The following MYO19 variants were observed in gnomAD, a reference collection of about 807,000 sequenced individuals.
MYO19 encodes myosin XIX, also known as unconventional myosin-XIX.
Under a neutral mutation model 129.2 loss-of-function variants are expected in MYO19, and 132 were observed. The observed-to-expected ratio is 1.02, with a 90% CI of 0.89 to 1.18. MYO19 has a LOEUF of 1.18. MYO19 is among the 50% of genes most tolerant of loss of function. MYO19 has a pLI of 0.00. For synonymous variants in MYO19, 531 were observed against 477.2 expected (o/e 1.11, Z -1.47); for missense variants, 1,210 against 1,216.7 (o/e 0.99, Z 0.08).
chr17:36,537,156 G>A (rs773053399), upstream of MYO19: 61 of 1,613,318 alleles, frequency 3.8e-5, no homozygotes, highest in Non-Finnish European at 4.5e-5. Context: ...TGGAACCACC[G>A]TGCTGGAAAT....
chr17:36,525,301 T>G lies in MYO19; in HGVS notation c.341A>C (p.Tyr114Ser). The part of the protein sequence containing the change: ...PHVFTVGEQT[Y>S]RNVKSLIEPV... Reference sequence around the variant, plus strand: ...TTCAATCAGGCTCTTGACATTCCTGTAGGTCTGTTCACCCACAGTGAACAC... The same window carrying G: ...TTCAATCAGGCTCTTGACATTCCTGGAGGTCTGTTCACCCACAGTGAACAC... The change falls in exon 6 of 26, where the codon TAC becomes TCC. Residue 114 changes from tyrosine (Y) to serine (S), a missense_variant. Physicochemically the swap from Tyr to Ser is moderately radical, Grantham distance 144 (BLOSUM62 -2). Transcript: ENST00000614623. 2 of 1,613,960 alleles carry G rather than the reference T, an allele frequency of 1.2e-6. No homozygotes were observed. Among genetic ancestry groups the G allele is most frequent in the South Asian group, 2.2e-5 (2 of 91,072 alleles).
chr17:36,528,331 AC>A lies in MYO19; in HGVS notation c.13-130del, dbSNP rs923935006. ...AGACCATCCTGGTTAACACGGTGAAACCCCGTCTCTACTAAAAAAAATTCAA... is the reference window on the plus strand; with the variant it reads ...AGACCATCCTGGTTAACACGGTGAAACCCGTCTCTACTAAAAAAAATTCAA... On this transcript the variant is annotated intron_variant, in intron 3 of 25. Transcript: ENST00000614623. The A allele has an allele frequency of 1.2e-5, 11 of 952,320 alleles. No individual in the cohort carries two copies. In the Admixed American group the frequency reaches 1.9e-4, roughly 17 times the overall value. The allele number at this position is 952,320 out of a possible 1,614,324, so 59.0% of individuals were successfully genotyped here.
At chr17:36,509,509 A>G (rs553031435) in intron 13 of MYO19, 3 of 272,476 alleles carry the variant, frequency 1.1e-5, no homozygotes, top group African/African-American at 6.5e-5. Flanking sequence ...AACTGAGTTC[A>G]TTGAACACCC....
intron 5 of MYO19, among the ~76,000 whole-genome samples, chr17:36,526,852 G>A (rs1001466554): frequency 3.3e-5 from 5 of 151,880 alleles, no homozygotes; most frequent in Admixed American, 2.0e-4. Flanking sequence ...GCACTACTGC[G>A]CTCCAGCCTG....
At position 36,528,111 on chromosome 17, in the gene MYO19, T is replaced by G. The variant is rs935802161; in HGVS notation, c.104A>C (p.Tyr35Ser). The change falls in exon 4 of 26, where the codon TAC (tyrosine) becomes TCC (serine). Residue 35 changes from tyrosine (Y) to serine (S), a missense_variant. By Grantham distance (144) the Tyr-to-Ser change is moderately radical. Transcript: ENST00000614623. Reference protein sequence around the residue: ...QEFLGGEVLLYKLDDLTRVNP... With the variant: ...QEFLGGEVLLSKLDDLTRVNP... ...CACCCTGGTGAGGTCATCCAGTTTG[T>G]ACAGCAGGACCTCCCCACCCAGGAA... The G allele has an allele frequency of 3.1e-6, 5 of 1,613,838 alleles. No individual in the cohort carries two copies. The highest frequency in any genetic ancestry group is 4.2e-6 in the Non-Finnish European group (5 of 1,179,884).
At chr17:36,511,297 C>T in intron 12 of MYO19, 68 bp downstream of exon 12, 2 of 1,503,010 alleles carry the variant, frequency 1.3e-6, no homozygotes, top group East Asian at 2.5e-5. Flanking sequence ...TCCAGCCTTC[C>T]ACCCAACCCC....
chr17:36,519,727 T>C (rs2073025346), intron 6 of MYO19, among the ~76,000 whole-genome samples: 1 of 151,886 alleles, frequency 6.6e-6, no homozygotes, highest in Admixed American at 6.6e-5. Context: ...CATATTCTTT[T>C]GCACTAAAGA....
At chr17:36,520,774 A>G (rs1442189620) in intron 6 of MYO19, among the ~76,000 whole-genome samples, 2 of 152,226 alleles carry the variant, frequency 1.3e-5, no homozygotes, top group Non-Finnish European at 2.9e-5. Flanking sequence ...AAGACATATA[A>G]CACACAAAAT....
chr17:36,537,220 T>C, upstream of MYO19: 1 of 1,614,190 alleles, frequency 6.2e-7, no homozygotes, highest in South Asian at 1.1e-5. Flanking sequence ...GGGTTCCTGA[T>C]CATTTTCTCA....
chr17:36,544,667 G>A (rs536391947), upstream of MYO19, among the ~76,000 whole-genome samples: 1 of 152,326 alleles, frequency 6.6e-6, no homozygotes, highest in Non-Finnish European at 1.5e-5. Context: ...CCGGCCCGCG[G>A]CTGGGGCCTG....
In MYO19 at chr17:36,496,354, C is replaced by A; in HGVS notation, c.2810G>T (p.Cys937Phe). Reference sequence around the variant, plus strand: ...AATGCTGTAGGGTGAAGGTTCAGGGCAGATGTCAGCATACCGCAGTGGAGA... The same window carrying A: ...AATGCTGTAGGGTGAAGGTTCAGGGAAGATGTCAGCATACCGCAGTGGAGA... ...RKSPLRYADI[C>F]PEPSPYSITG... Residue 937 changes from cysteine (C) to phenylalanine (F), a missense_variant, in exon 26 of 26, where the codon TGC becomes TTC. By Grantham distance (205) the Cys-to-Phe change is radical. Transcript: ENST00000614623. 6.2e-7 allele frequency: 1 copy of A among 1,613,968 alleles called. No individual in the cohort carries two copies. The highest frequency in any genetic ancestry group is 1.3e-5 in the African/African-American group (1 of 75,014).
upstream of MYO19, chr17:36,537,118 T>C (rs747229192): frequency 3.8e-6 from 6 of 1,591,564 alleles, no homozygotes; most frequent in Non-Finnish European, 4.3e-6. Context: ...GAAAAGCAGA[T>C]GAAGGAAGCT....
chr17:36,527,532 G>GGCA lies in MYO19; in HGVS notation c.300+16_300+18dup. The GGCA allele has an allele frequency of 6.2e-7, 1 of 1,610,424 alleles. No homozygotes were observed. The highest frequency in any genetic ancestry group is 8.5e-7 in the Non-Finnish European group (1 of 1,178,244). ...GAGGTAGAGGAGCCCTGAGGCCACA[G>GGCA]GCAGCGGCAGAGCCTTACCTGGGGC... On this transcript the variant is annotated intron_variant, in intron 5 of 25. Transcript: ENST00000614623.
Position 36,506,679 on chromosome 17 carries a change from C to G in MYO19, c.1645-71G>C. Reference sequence around the variant, plus strand: ...TGCTCAGGGCCATCCACTGCCCACCCAAGCCGCAGATGACGGGGCTTCCAG... The same window carrying G: ...TGCTCAGGGCCATCCACTGCCCACCGAAGCCGCAGATGACGGGGCTTCCAG... On this transcript the variant is annotated intron_variant, in intron 17 of 25. Coordinates refer to ENST00000614623, the MANE Select transcript of MYO19 (RefSeq NM_001163735.2). 2.0e-6 allele frequency: 3 copies of G among 1,478,736 alleles called. No homozygotes were observed. In the South Asian group the frequency reaches 4.2e-5, roughly 21 times the overall value. 91.6% of individuals were successfully genotyped at this position (1,478,736 alleles called of 1,614,324 possible).
upstream of MYO19, chr17:36,537,273 C>G: frequency 1.2e-6 from 2 of 1,614,004 alleles, no homozygotes; most frequent in Non-Finnish European, 1.7e-6. Context: ...AACTAGATTC[C>G]TCACTGACTT....
At chr17:36,520,698 AT>A (rs1426273603) in intron 6 of MYO19, among the ~76,000 whole-genome samples, 1 of 152,104 alleles carries the variant, frequency 6.6e-6, no homozygotes, top group Non-Finnish European at 1.5e-5. Context: ...TAGTAAATAT[AT>A]TTCTTCCTTC....
intron 3 of MYO19, among the ~76,000 whole-genome samples, chr17:36,531,523 A>T (rs550831953): frequency 4.0e-4 from 61 of 152,256 alleles, no homozygotes; most frequent in Admixed American, 2.3e-3. Context: ...TACATACTTT[A>T]AAAACATTGA....
rs372873101 is a variant in MYO19 at position 36,505,380 on chromosome 17, C to T, written c.1822G>A (p.Val608Ile). The T allele has an allele frequency of 5.2e-5, 84 of 1,614,160 alleles. No homozygotes were observed. The African/African-American group carries it at 1.1e-3, about 20-fold the overall frequency. The part of the protein sequence containing the change: ...FKASLEQLLQ[V>I]LHSTTPHYIR... ...TAGTGGGGCGTGGTGCTGTGTAGGA[C>T]CTGCAGAAGCTGCTCCAGTGAGGCC... Residue 608 changes from valine to isoleucine, a missense_variant, in exon 19 of 26, where the codon GTC (valine) becomes ATC (isoleucine). Val to Ile is a conservative substitution (Grantham distance 29). Transcript: ENST00000614623.
At chr17:36,521,247 A>G (rs950195887) in intron 6 of MYO19, among the ~76,000 whole-genome samples, 2 of 152,250 alleles carry the variant, frequency 1.3e-5, no homozygotes, top group African/African-American at 2.4e-5. Flanking sequence ...ACAGATTCTA[A>G]TCAGTTGTTT....
Sources: gnomAD v4.1 joint callset for allele counts (sites outside exome capture counted in the v4.1 genomes callset) on GRCh38, gnomAD v4.1.1 for gene constraint, MANE v1.5 for transcripts, NCBI Gene and HGNC (gene_info 2026-07-23, HGNC 2026-07-21) for gene names.